Variants in SPOCK3 observed in about 807,000 individuals in gnomAD.
SPOCK3 encodes the protein testican-3.
In SPOCK3, 30 loss-of-function variants were observed where a neutral mutation model predicts 56.6. The observed-to-expected ratio is 0.53, with a 90% confidence interval of 0.40 to 0.72. The LOEUF is 0.72. Among genes scored for constraint, SPOCK3 ranks in the 30% least tolerant of loss-of-function variants. The probability of loss-of-function intolerance (pLI) is 0.00; values close to 1 mark genes in which losing one functional copy is unlikely to be tolerated. For synonymous variants in SPOCK3, 196 were observed against 183.3 expected (o/e 1.07, Z -0.56); for missense variants, 527 against 530.0 (o/e 0.99, Z 0.06).
In SPOCK3 at chr4:166,986,601, C is replaced by T. The variant is rs1318356735; in HGVS notation, c.350+13748G>A. Among the ~76,000 whole-genome samples the T allele has an allele frequency of 2.0e-5, 3 of 152,162 alleles. No individual in the cohort carries two copies. The East Asian group carries it at 5.8e-4, about 29-fold the overall frequency. ...AATTCCTGAATCCTGCGATGTGTATCATCACAAAAGCAGGCTCACAATTTG... is the reference window on the plus strand; with the variant it reads ...AATTCCTGAATCCTGCGATGTGTATTATCACAAAAGCAGGCTCACAATTTG... On this transcript the variant is annotated intron_variant, in intron 4 of 10. Transcript: ENST00000357545.
In SPOCK3 at chr4:167,203,358, A is replaced by G. The variant is rs1233392383; in HGVS notation, c.189+30627T>C. On this transcript the variant is annotated intron_variant, in intron 2 of 10. Transcript: ENST00000357545. ...TACCTATATACATATTTTAAGTTAC[A>G]TTATTTAATTGTGGTAGAGACTTTT... Among the ~76,000 whole-genome samples the G allele has an allele frequency of 1.5e-4, 23 of 151,988 alleles. No homozygotes were observed. The Admixed American group carries it at 1.5e-3, about 10-fold the overall frequency.
intron 6 of SPOCK3, among the ~76,000 whole-genome samples, chr4:166,848,149 A>C (rs1748296579): frequency 6.6e-6 from 1 of 152,192 alleles, no homozygotes; most frequent in Non-Finnish European, 1.5e-5. Flanking sequence ...TACCATAATA[A>C]TTTCAGTATT....
chr4:166,981,539 G>C (rs546309804), intron 4 of SPOCK3, among the ~76,000 whole-genome samples: 15 of 152,302 alleles, frequency 9.8e-5, no homozygotes, highest in African/African-American at 2.6e-4. Context: ...GTCTGGCTGA[G>C]TCCAGGGTTT....
intron 6 of SPOCK3, among the ~76,000 whole-genome samples, chr4:166,844,065 A>T (rs1053559590): frequency 3.3e-5 from 5 of 152,214 alleles, no homozygotes; most frequent in African/African-American, 1.2e-4. Context: ...GTGGGCCAAC[A>T]GAGTGCGGCT....
At chr4:167,167,224 T>A (rs140798740) in intron 2 of SPOCK3, among the ~76,000 whole-genome samples, 316 of 152,250 alleles carry the variant, frequency 2.1e-3, no homozygotes, top group African/African-American at 7.0e-3. Context: ...CAAAAAATCA[T>A]ATTCACAGTA....
In SPOCK3 at chr4:167,145,421, G is replaced by A. The variant is rs6848642; in HGVS notation, c.190-82884C>T. 6.9e-3 allele frequency among the ~76,000 whole-genome samples: 1,042 copies of A among 152,056 alleles called. 13 individuals carry two copies. Among genetic ancestry groups the A allele is most frequent in the African/African-American group, 0.023 (969 of 41,504 alleles). On this transcript the variant is annotated intron_variant, in intron 2 of 10. Transcript: ENST00000357545. Reference sequence around the variant, plus strand: ...AGCATATAATGTTTTTTAAGCCATGGGGCTGAACAGGTTCGGCTGATCAGG... The same window carrying A: ...AGCATATAATGTTTTTTAAGCCATGAGGCTGAACAGGTTCGGCTGATCAGG...
chr4:167,226,315 T>C (rs1736590024), intron 2 of SPOCK3, among the ~76,000 whole-genome samples: 1 of 152,080 alleles, frequency 6.6e-6, no homozygotes, highest in Non-Finnish European at 1.5e-5. Context: ...TCTAGAACAG[T>C]AGGTACTAGG....
intron 3 of SPOCK3, among the ~76,000 whole-genome samples, chr4:167,058,862 C>T (rs1323596410): frequency 6.6e-6 from 1 of 152,200 alleles, no homozygotes; most frequent in Admixed American, 6.5e-5. Flanking sequence ...CTACAACTAC[C>T]TGGTCTTTGA....
intron 4 of SPOCK3, among the ~76,000 whole-genome samples, chr4:166,965,520 C>A (rs1744631437): frequency 6.6e-6 from 1 of 151,736 alleles, no homozygotes; most frequent in South Asian, 2.1e-4. Flanking sequence ...ATCATCAAGC[C>A]TTCACTGTTT....
intron 4 of SPOCK3, among the ~76,000 whole-genome samples, chr4:166,915,346 A>T (rs969283193): frequency 6.6e-6 from 1 of 152,128 alleles, no homozygotes; most frequent in East Asian, 1.9e-4. Context: ...GTTTCTTATG[A>T]TTCATAATGT....
intron 6 of SPOCK3, among the ~76,000 whole-genome samples, chr4:166,825,133 A>G (rs1173273233): frequency 1.3e-5 from 2 of 152,068 alleles, no homozygotes; most frequent in African/African-American, 2.4e-5. Flanking sequence ...AAAAGTCACT[A>G]TTATGTGACA....
At chr4:166,793,258 A>T (rs1741547523) in intron 6 of SPOCK3, among the ~76,000 whole-genome samples, 1 of 152,072 alleles carries the variant, frequency 6.6e-6, no homozygotes, top group South Asian at 2.1e-4. Flanking sequence ...AATATATACC[A>T]TATACATTAT....
chr4:167,161,618 T>C (rs374508574), intron 2 of SPOCK3, among the ~76,000 whole-genome samples: 11 of 152,156 alleles, frequency 7.2e-5, no homozygotes, highest in African/African-American at 2.2e-4. Flanking sequence ...CTATTCACAA[T>C]AGCAAAGACT....
chr4:167,061,564 T>C (rs1755611188), intron 3 of SPOCK3, among the ~76,000 whole-genome samples: 1 of 151,972 alleles, frequency 6.6e-6, no homozygotes, highest in Admixed American at 6.6e-5. Flanking sequence ...TCATACAGCT[T>C]GGTTGTTGTA....
chr4:166,894,204 T>C lies in SPOCK3; in HGVS notation c.475-4960A>G, dbSNP rs140180313. On this transcript the variant is annotated intron_variant, in intron 5 of 10. Coordinates refer to ENST00000357545, the MANE Select transcript of SPOCK3 (RefSeq NM_001040159.2). Reference sequence around the variant, plus strand: ...AGCATTTCCTTTTCTCACCAGAAACTTGACTTCGAAAAACTTCTTTTTATA... The same window carrying C: ...AGCATTTCCTTTTCTCACCAGAAACCTGACTTCGAAAAACTTCTTTTTATA... Among the ~76,000 whole-genome samples the C allele has an allele frequency of 3.4e-4, 52 of 152,228 alleles. No individual in the cohort carries two copies. In the East Asian group the frequency reaches 8.3e-3, roughly 24 times the overall value.
chr4:166,918,575 A>C (rs781172977), intron 4 of SPOCK3: 1 of 152,188 alleles, frequency 6.6e-6, no homozygotes, highest in Non-Finnish European at 1.5e-5. Flanking sequence ...GACATAGCTT[A>C]TTCTGCAATA....
intron 7 of SPOCK3, among the ~76,000 whole-genome samples, chr4:166,771,732 T>A (rs1738953964): frequency 1.3e-5 from 2 of 152,076 alleles, no homozygotes; most frequent in South Asian, 4.1e-4. Context: ...TTTCCTCAAA[T>A]AGAGTGAGAA....
At chr4:167,163,051 AATTAT>A (rs200698656) in intron 2 of SPOCK3, among the ~76,000 whole-genome samples, 319 of 151,858 alleles carry the variant, frequency 2.1e-3, no homozygotes, top group African/African-American at 6.9e-3. Flanking sequence ...AACCTGTTTG[AATTAT>A]ATTAAAGTGT....
chr4:167,086,568 C>T (rs115012991), intron 2 of SPOCK3, among the ~76,000 whole-genome samples: 1,704 of 152,176 alleles, frequency 0.011, 18 homozygotes, highest in Non-Finnish European at 0.018. Flanking sequence ...CAGATTTGTT[C>T]TGTTTACAAC....
Sources: gnomAD v4.1 joint callset for allele counts (sites outside exome capture counted in the v4.1 genomes callset) on GRCh38, gnomAD v4.1.1 for gene constraint, MANE v1.5 for transcripts, NCBI Gene and HGNC (gene_info 2026-07-23, HGNC 2026-07-21) for gene names.